The following NEBL variants were observed in gnomAD, a reference collection of about 807,000 sequenced individuals.
NEBL encodes the protein LIM and SH3 protein 2.
A neutral mutation model predicts 140.2 loss-of-function variants in NEBL; 122 were observed. That is an observed-to-expected ratio of 0.87 (90% CI 0.75 to 1.01). The LOEUF (loss-of-function observed/expected upper bound fraction) is 1.01, where lower values mean the gene tolerates loss of function less well. Ranked by LOEUF, NEBL falls within the 50% of genes least tolerant of loss-of-function variation. The probability of loss-of-function intolerance (pLI) is 0.00; values close to 1 mark genes in which losing one functional copy is unlikely to be tolerated. For synonymous variants in NEBL, 436 were observed against 398.9 expected (o/e 1.09, Z -1.11); for missense variants, 1,365 against 1,231.3 (o/e 1.11, Z -1.62).
At chr10:20,929,725 T>A (rs143272673) in intron 4 of NEBL, among the ~76,000 whole-genome samples, 168 of 119,896 alleles carry the variant, frequency 1.4e-3, no homozygotes, top group African/African-American at 4.8e-3. Context: ...CAGAGTGGAA[T>A]AATAGACACT....
intron 1 of NEBL, among the ~76,000 whole-genome samples, chr10:21,256,000 GA>G (rs961380759): frequency 2.0e-5 from 3 of 149,896 alleles, no homozygotes; most frequent in African/African-American, 2.4e-5. Flanking sequence ...AAAAGAAAAA[GA>G]AAAAAAAGGA....
intron 1 of NEBL, among the ~76,000 whole-genome samples, chr10:21,287,266 T>C (rs1384222676): frequency 6.6e-6 from 1 of 152,150 alleles, no homozygotes; most frequent in African/African-American, 2.4e-5. Flanking sequence ...CTGGGCTCAG[T>C]AGTTCATGCC....
At chr10:21,010,615 T>A (rs1396829257) in intron 3 of NEBL, among the ~76,000 whole-genome samples, 4 of 147,922 alleles carry the variant, frequency 2.7e-5, no homozygotes, top group African/African-American at 7.7e-5. Context: ...CAAAAAAAAA[T>A]AAGAAAGCAT....
chr10:20,925,548 C>T (rs1469302046), intron 4 of NEBL, among the ~76,000 whole-genome samples: 2 of 152,160 alleles, frequency 1.3e-5, no homozygotes, highest in Non-Finnish European at 2.9e-5. Context: ...AATACACTCA[C>T]CTTTTTCAGA....
chr10:21,078,865 T>G (rs1836230960), intron 2 of NEBL, among the ~76,000 whole-genome samples: 1 of 152,210 alleles, frequency 6.6e-6, no homozygotes, highest in African/African-American at 2.4e-5. Flanking sequence ...GGCTGCCACT[T>G]GGTGGCACTG....
At chr10:21,256,696 T>C (rs1842663927) in intron 1 of NEBL, among the ~76,000 whole-genome samples, 1 of 152,002 alleles carries the variant, frequency 6.6e-6, no homozygotes, top group Non-Finnish European at 1.5e-5. Context: ...CTGGGTACAG[T>C]GGGTCACACC....
chr10:21,072,657 T>C (rs2131908351), intron 2 of NEBL, among the ~76,000 whole-genome samples: 1 of 152,302 alleles, frequency 6.6e-6, no homozygotes, highest in Non-Finnish European at 1.5e-5. Context: ...CAGGGCTCAG[T>C]TGTTGGTCAT....
chr10:21,166,200 A>G (rs1411221976), intron 2 of NEBL, among the ~76,000 whole-genome samples: 1 of 140,056 alleles, frequency 7.1e-6, no homozygotes, highest in African/African-American at 2.7e-5. Flanking sequence ...AGCCTGGGCG[A>G]CAGAGCGAGA....
chr10:21,217,082 T>C (rs1842003808), intron 3 of NEBL, among the ~76,000 whole-genome samples: 1 of 152,206 alleles, frequency 6.6e-6, no homozygotes. Context: ...TGAGGGGACC[T>C]GATGTGAGTG....
intron 4 of NEBL, among the ~76,000 whole-genome samples, chr10:20,939,291 A>T (rs961380510): frequency 1.3e-5 from 2 of 152,334 alleles, no homozygotes; most frequent in African/African-American, 2.4e-5. Flanking sequence ...AACATTCTTA[A>T]AGAAAAGAAT....
intron 1 of NEBL, among the ~76,000 whole-genome samples, chr10:21,287,723 C>A (rs1159571013): frequency 1.3e-5 from 2 of 152,032 alleles, no homozygotes; most frequent in Non-Finnish European, 2.9e-5. Context: ...AATGTTAGTA[C>A]ATACTGAATT....
rs1044565052 is a variant in NEBL, at chr10:20,844,546, G to A, written c.1227+712C>T. Among the ~76,000 whole-genome samples, 3 of 150,096 alleles carry A rather than the reference G, an allele frequency of 2.0e-5. No homozygotes were observed. The South Asian group carries it at 6.3e-4, about 31-fold the overall frequency. ...AAAAAGCTTTTAAAGGTGGACTATA[G>A]ACATGATATTTTTAGTTTTAAGGTC... On this transcript the variant is annotated intron_variant, in intron 12 of 27. Coordinates refer to ENST00000377122, the MANE Select transcript of NEBL (RefSeq NM_006393.3).
chr10:21,261,984 T>G (rs1842744131), intron 1 of NEBL, among the ~76,000 whole-genome samples: 1 of 152,062 alleles, frequency 6.6e-6, no homozygotes, highest in Non-Finnish European at 1.5e-5. Flanking sequence ...CCTGGGATAA[T>G]GAGCAGAGGC....
chr10:21,221,345 GAC>G (rs1215844292), intron 3 of NEBL, among the ~76,000 whole-genome samples: 4 of 152,062 alleles, frequency 2.6e-5, no homozygotes, highest in Non-Finnish European at 5.9e-5. Context: ...AAAAATAACT[GAC>G]ACAAATGTGC....
intron 4 of NEBL, among the ~76,000 whole-genome samples, chr10:20,930,039 C>G (rs1834108261): frequency 6.6e-6 from 1 of 152,174 alleles, no homozygotes; most frequent in Admixed American, 6.5e-5. Context: ...TAAATGCCAT[C>G]TAGGTGCTGA....
At chr10:21,147,263 G>T (rs530359953) in intron 2 of NEBL, among the ~76,000 whole-genome samples, 2 of 152,150 alleles carry the variant, frequency 1.3e-5, no homozygotes, top group South Asian at 2.1e-4. Flanking sequence ...CTCATTGCAC[G>T]TTAGCCATTT....
chr10:21,222,581 G>T (rs10828215), intron 3 of NEBL, among the ~76,000 whole-genome samples: 42,977 of 151,898 alleles, frequency 0.28, 11,038 homozygotes, highest in African/African-American at 0.69. Context: ...TATTTTCTTT[G>T]TGTTACTTTT....
At chr10:21,094,932 C>T (rs1354286043) in intron 2 of NEBL, among the ~76,000 whole-genome samples, 4 of 152,144 alleles carry the variant, frequency 2.6e-5, no homozygotes, top group Non-Finnish European at 5.9e-5. Flanking sequence ...GGCCAACAGA[C>T]AGAACACAGA....
intron 24 of NEBL, among the ~76,000 whole-genome samples, chr10:20,811,677 C>A (rs1223935936): frequency 6.6e-6 from 1 of 152,132 alleles, no homozygotes; most frequent in Non-Finnish European, 1.5e-5. Flanking sequence ...AAGACATTAC[C>A]CTGTCAAATT....
Sources: gnomAD v4.1 joint callset for allele counts (sites outside exome capture counted in the v4.1 genomes callset) on GRCh38, gnomAD v4.1.1 for gene constraint, MANE v1.5 for transcripts, NCBI Gene and HGNC (gene_info 2026-07-23, HGNC 2026-07-21) for gene names.